The following FOLH1 variants were observed in gnomAD, a reference collection of about 807,000 sequenced individuals.
The protein encoded by FOLH1 is folate hydrolase 1, also known as glutamate carboxypeptidase 2.
A neutral mutation model predicts 93.9 loss-of-function variants in FOLH1; 54 were observed. That is an observed-to-expected ratio of 0.57 (90% CI 0.46 to 0.72). The LOEUF (loss-of-function observed/expected upper bound fraction) is 0.72, where lower values mean the gene tolerates loss of function less well. FOLH1 is among the 30% of genes least tolerant of loss of function. FOLH1 has a pLI of 0.00. For synonymous variants in FOLH1, 249 were observed against 303.6 expected, an observed-to-expected ratio of 0.82 and a Z score of 1.87; for missense variants, 571 against 892.5, an observed-to-expected ratio of 0.64 and a Z score of 4.59.
chr11:49,183,272 A>G (rs1480183845), intron 6 of FOLH1, 30 bp from the exon 7 acceptor site: 1 of 1,550,610 alleles, frequency 6.4e-7, no homozygotes, highest in East Asian at 2.2e-5. Context: ...TATTTCCAGT[A>G]AAAACTCAGT....
At chr11:49,178,631 G>T (rs1303801225) in intron 7 of FOLH1, among the ~76,000 whole-genome samples, 1 of 151,904 alleles carries the variant, frequency 6.6e-6, no homozygotes, top group African/African-American at 2.4e-5. Flanking sequence ...TTCTCTTTAG[G>T]TTCTCTTTAG....
At chr11:49,161,130 A>C (rs1478232654) in intron 13 of FOLH1, among the ~76,000 whole-genome samples, 1 of 152,168 alleles carries the variant, frequency 6.6e-6, no homozygotes, top group African/African-American at 2.4e-5. Context: ...AATTTTGTAG[A>C]TATCTATCAG....
At chr11:49,186,893 C>T in intron 4 of FOLH1, 124 bp from the exon 5 acceptor site, 1 of 933,546 alleles carries the variant, frequency 1.1e-6, no homozygotes, top group Non-Finnish European at 1.5e-6. Flanking sequence ...GTCAGAAATG[C>T]ATGAGCTCCA....
chr11:49,174,397 T>G (rs1362047938), intron 9 of FOLH1, among the ~76,000 whole-genome samples: 1 of 152,170 alleles, frequency 6.6e-6, no homozygotes, highest in Non-Finnish European at 1.5e-5. Flanking sequence ...CAGTAGATCA[T>G]CTGAACTTCT....
Position 49,167,901 on chromosome 11 carries a change from C to CA in FOLH1, c.1372+1293dup, listed in dbSNP as rs893677280. On this transcript the variant is annotated intron_variant, in intron 12 of 18. Coordinates refer to ENST00000256999, the MANE Select transcript of FOLH1 (RefSeq NM_004476.3). ...ACAAAAAACAGAAAAAGAACAGAAA[C>CA]AAAAAAACACACACAAAAAAACCAG... 1.9e-3 allele frequency among the ~76,000 whole-genome samples: 231 copies of CA among 123,320 alleles called. 1 individual carries two copies. The highest frequency in any genetic ancestry group is 7.0e-3 in the African/African-American group (222 of 31,836). The allele number at this position is 123,320 out of a possible 152,430, so 80.9% of individuals were successfully genotyped here. A position where few individuals can be genotyped will look rare whatever the true frequency, so the allele number is the denominator to read the frequency against.
Position 49,146,455 on chromosome 11 carries a change from A to G in FOLH1, c.*301T>C, listed in dbSNP as rs1266616363. Among the ~76,000 whole-genome samples the G allele has an allele frequency of 6.6e-6, 1 of 152,114 alleles. No individual in the cohort carries two copies. The highest frequency in any genetic ancestry group is 1.9e-4 in the East Asian group (1 of 5,178). On this transcript the variant is annotated 3_prime_UTR_variant, in exon 19 of 19. Coordinates refer to ENST00000256999, the MANE Select transcript of FOLH1 (RefSeq NM_004476.3). ...GTGTGAAGTGACATGAATAGATTAG[A>G]CTTGATTCCCTGATAATGCCAGATG...
rs1461609083 is a variant in FOLH1 at position 49,146,603 on chromosome 11, T to G, written c.*153A>C. The G allele has an allele frequency of 3.3e-6, 2 of 602,160 alleles. No homozygotes were observed. Among genetic ancestry groups the G allele is most frequent in the Non-Finnish European group, 5.3e-6 (2 of 376,876 alleles). The allele number at this position is 602,160 out of a possible 1,614,324, so 37.3% of individuals were successfully genotyped here. A position where few individuals can be genotyped will look rare whatever the true frequency, so the allele number is the denominator to read the frequency against. ...ATCCATAGGGAGAAGATAAACAATA[T>G]AAACACACACATATATAAACACTCA... is the stretch of plus-strand genomic sequence containing the variant. On this transcript the variant is annotated 3_prime_UTR_variant, in exon 19 of 19. Transcript: ENST00000256999.
At chr11:49,176,398 G>A (rs1177944377) in intron 7 of FOLH1, among the ~76,000 whole-genome samples, 1 of 152,078 alleles carries the variant, frequency 6.6e-6, no homozygotes, top group Non-Finnish European at 1.5e-5. Context: ...GAAGACAGGA[G>A]GATCAAAAGA....
At chr11:49,188,164 T>C (rs1480694044) in intron 4 of FOLH1, among the ~76,000 whole-genome samples, 1 of 152,176 alleles carries the variant, frequency 6.6e-6, no homozygotes, top group Non-Finnish European at 1.5e-5. Context: ...ATAAGTCAAA[T>C]TTTTTAAAAA....
chr11:49,206,377 T>G, intron 1 of FOLH1: 1 of 902,784 alleles, frequency 1.1e-6, no homozygotes. Flanking sequence ...GCAAACCAAT[T>G]GCAAAATATT....
chr11:49,158,141 A>C, intron 13 of FOLH1, 98 bp from the exon 14 acceptor site: 1 of 1,085,590 alleles, frequency 9.2e-7, no homozygotes, highest in Admixed American at 3.1e-5. Flanking sequence ...GCCACAATTC[A>C]GCAAAAACAA....
At chr11:49,158,939 T>C (rs1857325980) in intron 13 of FOLH1, among the ~76,000 whole-genome samples, 1 of 152,166 alleles carries the variant, frequency 6.6e-6, no homozygotes, top group Non-Finnish European at 1.5e-5. Flanking sequence ...GGCTTGTCTG[T>C]TGTTAGTGTA....
At chr11:49,151,425 CACAG>C (rs1404345136) in intron 17 of FOLH1, among the ~76,000 whole-genome samples, 2 of 142,646 alleles carry the variant, frequency 1.4e-5, no homozygotes, top group Admixed American at 6.8e-5. Flanking sequence ...CACACACACA[CACAG>C]ACACACACAC....
rs190555628 is a variant in FOLH1, at chr11:49,156,921, A to G, written c.1533-114T>C. On this transcript the variant is annotated intron_variant, in intron 14 of 18. Transcript: ENST00000256999. ...CTATTATAAATGTAATTTTAAACATACAGCTTTAGACATGCAGCAAAAACA... is the reference window on the plus strand; with the variant it reads ...CTATTATAAATGTAATTTTAAACATGCAGCTTTAGACATGCAGCAAAAACA... The G allele has an allele frequency of 2.7e-6, 4 of 1,505,076 alleles. No individual in the cohort carries two copies. The East Asian group carries it at 9.3e-5, about 35-fold the overall frequency. The allele number at this position is 1,505,076 out of a possible 1,614,324, so 93.2% of individuals were successfully genotyped here.
chr11:49,184,397 C>A (rs1420552833), intron 6 of FOLH1, among the ~76,000 whole-genome samples: 1 of 152,076 alleles, frequency 6.6e-6, no homozygotes, highest in African/African-American at 2.4e-5. Context: ...CCCTAAAATA[C>A]CATCATTCAA....
chr11:49,169,922 A>C (rs561274706), intron 11 of FOLH1, among the ~76,000 whole-genome samples: 1 of 152,344 alleles, frequency 6.6e-6, no homozygotes, highest in African/African-American at 2.4e-5. Flanking sequence ...TACAACTGTA[A>C]GTGAAAAAAA....
At chr11:49,196,256 A>G (rs1439981713) in intron 3 of FOLH1, among the ~76,000 whole-genome samples, 2 of 152,214 alleles carry the variant, frequency 1.3e-5, no homozygotes, top group Non-Finnish European at 2.9e-5. Context: ...ACAAACAATA[A>G]AGTCATTTAA....
rs758736399 is a variant in FOLH1, at chr11:49,175,932, C to G, written c.946G>C (p.Asp316His). 1 of 1,613,718 alleles carries G rather than the reference C, an allele frequency of 6.2e-7. No homozygotes were observed. Among genetic ancestry groups the G allele is most frequent in the East Asian group, 2.2e-5 (1 of 44,848 alleles). The change falls in exon 8 of 19, where the codon GAT (aspartate) becomes CAT (histidine). Residue 316 changes from aspartate (D) to histidine (H), a missense_variant. By Grantham distance (81) the Asp-to-His change is moderately conservative. Around this residue, in one of 2 missense-constraint regions of FOLH1, gnomAD observed 500 missense variants for 822.9 expected, o/e 0.61. Transcript: ENST00000256999. The stretch of plus-strand genomic sequence containing the variant: ...TTGAGACTTCCTCTCCAGCTGCTAT[C>G]TGGTGGTGCTGAGCCACCCATTTTT... ...LEKMGGSAPP[D>H]SSWRGSLKVP...
chr11:49,176,221 A>G (rs537995977), intron 7 of FOLH1, among the ~76,000 whole-genome samples: 2 of 152,326 alleles, frequency 1.3e-5, no homozygotes, highest in South Asian at 4.1e-4. Context: ...AATTATTGAT[A>G]AGAATTTGAT....
Sources: gnomAD v4.1 joint callset for allele counts (sites outside exome capture counted in the v4.1 genomes callset) on GRCh38, gnomAD v4.1.1 for gene constraint, gnomAD v4.1.1 regional missense constraint, MANE v1.5 for transcripts, NCBI Gene and HGNC (gene_info 2026-07-23, HGNC 2026-07-21) for gene names.